ABCA12: variants seen among roughly 807,000 people sequenced by gnomAD.
ABCA12 encodes ATP binding cassette subfamily A member 12.
ABCA12 carries 156 observed loss-of-function variants against 293.5 expected under a neutral mutation model. The observed-to-expected ratio is 0.53, with a 90% CI of 0.47 to 0.61. ABCA12 has a LOEUF of 0.61. Ranked by LOEUF, ABCA12 falls within the 20% of genes least tolerant of loss-of-function variation. The probability of loss-of-function intolerance (pLI) is 0.00; values close to 1 mark genes in which losing one functional copy is unlikely to be tolerated. For synonymous variants in ABCA12, 1,063 were observed against 1,108.0 expected (o/e 0.96, Z 0.81); for missense variants, 2,797 against 3,090.2 (o/e 0.91, Z 2.25).
At chr2:215,129,633 C>T (rs1463828730) in intron 1 of ABCA12, among the ~76,000 whole-genome samples, 1 of 152,114 alleles carries the variant, frequency 6.6e-6, no homozygotes, top group Non-Finnish European at 1.5e-5. Context: ...GATATTAATT[C>T]ATTTTCAGAA....
At chr2:214,940,252 GTGA>G (rs1239806210) in intron 50 of ABCA12, among the ~76,000 whole-genome samples, 1 of 152,130 alleles carries the variant, frequency 6.6e-6, no homozygotes, top group African/African-American at 2.4e-5. Flanking sequence ...TTCTGTTTAT[GTGA>G]TGGATTGCAT....
At chr2:214,957,350 G>A (rs1698982815) in intron 41 of ABCA12, among the ~76,000 whole-genome samples, 2 of 152,098 alleles carry the variant, frequency 1.3e-5, no homozygotes, top group African/African-American at 2.4e-5. Context: ...TGAAGGTGGT[G>A]GTAACTTAAT....
At chr2:214,945,703 T>TTGTATGTA (rs1698560856) in intron 48 of ABCA12, among the ~76,000 whole-genome samples, 1 of 152,154 alleles carries the variant, frequency 6.6e-6, no homozygotes, top group Non-Finnish European at 1.5e-5. Context: ...CAGTAGATAA[T>TTGTATGTA]CTAAACATAC....
At chr2:215,018,594 C>A (rs1055934331) in intron 13 of ABCA12, among the ~76,000 whole-genome samples, 23 of 152,108 alleles carry the variant, frequency 1.5e-4, no homozygotes, top group African/African-American at 5.1e-4. Flanking sequence ...AGTCACACTA[C>A]AGTTATAAAG....
chr2:215,025,852 T>C (rs1700734007), intron 10 of ABCA12, 73 bp from the exon 11 acceptor site: 2 of 1,015,630 alleles, frequency 2.0e-6, no homozygotes, highest in African/African-American at 3.2e-5. Flanking sequence ...GAAAGACACC[T>C]CTATCCTGAC....
At chr2:215,132,686 C>T (rs1300675165) in intron 1 of ABCA12, among the ~76,000 whole-genome samples, 1 of 151,706 alleles carries the variant, frequency 6.6e-6, no homozygotes, top group Non-Finnish European at 1.5e-5. Flanking sequence ...TTTTTAAAAT[C>T]CTATTTGCCA....
chr2:215,030,883 T>C (rs1013322291), intron 9 of ABCA12, among the ~76,000 whole-genome samples: 4 of 152,200 alleles, frequency 2.6e-5, no homozygotes, highest in African/African-American at 9.7e-5. Flanking sequence ...AGTAATCCTG[T>C]TTGTTTTTTT....
At chr2:214,966,820 C>T (rs779407983) in intron 39 of ABCA12, 28 bp downstream of exon 39, 1 of 1,600,746 alleles carries the variant, frequency 6.2e-7, no homozygotes, top group South Asian at 1.1e-5. Flanking sequence ...AGTTGCAATA[C>T]AGGACACTTT....
intron 31 of ABCA12, 142 bp from the exon 32 acceptor site, chr2:214,979,182 C>T (rs1425865279): frequency 6.6e-6 from 5 of 763,274 alleles, no homozygotes; most frequent in Admixed American, 3.9e-5. Context: ...TCTAGAGACC[C>T]CTTTGCCACT....
rs1410686374 is a variant in ABCA12 at position 215,134,539 on chromosome 2, C to CATATATGTGT, written c.69+3600_69+3601insACACATATAT. 2.7e-4 allele frequency among the ~76,000 whole-genome samples: 32 copies of CATATATGTGT among 118,618 alleles called. 1 individual carries two copies. Among genetic ancestry groups the CATATATGTGT allele is most frequent in the African/African-American group, 1.1e-3 (31 of 28,282 alleles). The allele number at this position is 118,618 out of a possible 152,430, so 77.8% of individuals were successfully genotyped here. The stretch of plus-strand genomic sequence containing the variant: ...ATGTGTATATATACGTATATATGTA[C>CATATATGTGT]ATATATACGTATATGTATATATGTG... On this transcript the variant is annotated intron_variant, in intron 1 of 52. Coordinates refer to ENST00000272895, the MANE Select transcript of ABCA12 (RefSeq NM_173076.3).
chr2:215,064,039 T>C (rs754551664), intron 3 of ABCA12, 27 bp downstream of exon 3: 7 of 1,612,082 alleles, frequency 4.3e-6, no homozygotes, highest in East Asian at 2.2e-5. Flanking sequence ...CTCAGAACAA[T>C]TGAACACACT....
At chr2:215,092,363 A>G (rs1257781442) in intron 2 of ABCA12, among the ~76,000 whole-genome samples, 1 of 152,060 alleles carries the variant, frequency 6.6e-6, no homozygotes, top group Admixed American at 6.5e-5. Context: ...GAGATGTTTT[A>G]ACAAAATTAT....
At chr2:215,091,617 A>G (rs1401232068) in intron 2 of ABCA12, among the ~76,000 whole-genome samples, 2 of 152,158 alleles carry the variant, frequency 1.3e-5, no homozygotes, top group Non-Finnish European at 2.9e-5. Flanking sequence ...CACTCTCGAC[A>G]TTAGAAAAAG....
intron 2 of ABCA12, among the ~76,000 whole-genome samples, chr2:215,068,806 T>C (rs1701683144): frequency 1.3e-5 from 2 of 152,168 alleles, no homozygotes; most frequent in Non-Finnish European, 2.9e-5. Context: ...TTCCTTTACT[T>C]TGTCTTTTTC....
intron 48 of ABCA12, 77 bp downstream of exon 48, chr2:214,947,345 T>C: frequency 6.3e-7 from 1 of 1,593,804 alleles, no homozygotes; most frequent in Non-Finnish European, 8.6e-7. Flanking sequence ...GCAATCATGA[T>C]GATGAAATGT....
intron 1 of ABCA12, among the ~76,000 whole-genome samples, chr2:215,136,412 T>C (rs2948980): frequency 7.9e-5 from 12 of 152,098 alleles, no homozygotes; most frequent in African/African-American, 2.7e-4. Flanking sequence ...TTTCTAAAGA[T>C]AAAATTTCTC....
intron 18 of ABCA12, among the ~76,000 whole-genome samples, chr2:215,008,383 T>C (rs1700299520): frequency 6.6e-6 from 1 of 151,894 alleles, no homozygotes; most frequent in African/African-American, 2.4e-5. Context: ...ACATTGTTTA[T>C]ATTAGCAAGA....
At chr2:215,015,716 T>G in intron 14 of ABCA12, 53 bp from the exon 15 acceptor site, 1 of 1,554,228 alleles carries the variant, frequency 6.4e-7, no homozygotes, top group Non-Finnish European at 8.9e-7. Flanking sequence ...GAGAGTCAAC[T>G]GTTCATTTTG....
At chr2:215,106,039 T>C (rs1173344760) in intron 2 of ABCA12, among the ~76,000 whole-genome samples, 1 of 152,194 alleles carries the variant, frequency 6.6e-6, no homozygotes, top group Non-Finnish European at 1.5e-5. Flanking sequence ...GAGAGCAAGG[T>C]GCAGTCTGGA....
Sources: allele counts gnomAD v4.1 joint callset (sites outside exome capture counted in the v4.1 genomes callset), GRCh38; gene constraint gnomAD v4.1.1; transcripts MANE v1.5; gene names NCBI Gene and HGNC (gene_info 2026-07-23, HGNC 2026-07-21).